The following FRMD3 variants were observed in gnomAD, a reference collection of about 807,000 sequenced individuals.
FRMD3 encodes the protein FERM domain containing 3.
Under a neutral mutation model 70.2 loss-of-function variants are expected in FRMD3, and 33 were observed. The ratio of observed to expected loss-of-function variants is 0.47; its 90% CI spans 0.36 to 0.63. FRMD3 has a LOEUF of 0.63. FRMD3 is among the 20% of genes least tolerant of loss of function. The pLI is 0.00. For synonymous variants in FRMD3, 279 were observed against 255.9 expected (o/e 1.09, Z -0.86); for missense variants, 632 against 711.4 (o/e 0.89, Z 1.27).
chr9:83,411,270 C>T (rs150623508), intron 1 of FRMD3, among the ~76,000 whole-genome samples: 28 of 152,350 alleles, frequency 1.8e-4, no homozygotes, highest in African/African-American at 6.5e-4. Flanking sequence ...CTTCTTGGTG[C>T]TAGCCTATTT....
At chr9:83,388,126 T>C in intron 2 of FRMD3, among the ~76,000 whole-genome samples, 1 of 152,198 alleles carries the variant, frequency 6.6e-6, no homozygotes, top group Non-Finnish European at 1.5e-5. Context: ...AATACTTCAT[T>C]GCATCCCTTC....
intron 12 of FRMD3, among the ~76,000 whole-genome samples, chr9:83,296,839 C>A (rs1237125608): frequency 6.6e-6 from 1 of 152,134 alleles, no homozygotes; most frequent in Non-Finnish European, 1.5e-5. Flanking sequence ...ACCCTTCCAC[C>A]ACCTGTTACC....
At chr9:83,521,644 G>A (rs1392576500) in intron 1 of FRMD3, among the ~76,000 whole-genome samples, 1 of 152,234 alleles carries the variant, frequency 6.6e-6, no homozygotes. Flanking sequence ...TGGAGGAGTT[G>A]TCTTAATTAT....
Position 83,309,565 on chromosome 9 carries a change from C to T in FRMD3, c.897G>A (p.Lys299=). 1 of 1,598,870 alleles carries T rather than the reference C, an allele frequency of 6.3e-7. No homozygotes were observed. Among genetic ancestry groups the T allele is most frequent in the Non-Finnish European group, 8.5e-7 (1 of 1,172,716 alleles). The change falls in exon 10 of 14, where the codon AAG becomes AAA. Residue 299 remains lysine, a synonymous_variant. Transcript: ENST00000304195. ...STPAACKHLW[K]CGVENQAFYK... ...AAAAGGCCTGGTTTTCCACTCCACA[C>T]TTCCAAAGATGTTTGCAGGCAGCTG...
chr9:83,244,688 T>TTGAC lies in FRMD3; in HGVS notation c.*3226_*3229dup, dbSNP rs1194990358. 1.0e-6 allele frequency: 1 copy of TTGAC among 985,044 alleles called. No homozygotes were observed. The highest frequency in any genetic ancestry group is 1.7e-5 in the African/African-American group (1 of 57,234). 61.0% of individuals were successfully genotyped at this position (985,044 alleles called of 1,614,324 possible). On this transcript the variant is annotated 3_prime_UTR_variant, in exon 14 of 14. Transcript: ENST00000304195. Reference sequence around the variant, plus strand: ...ATTAACATATAAAACAATCTGGATGTTGACATAGAAATGCAAATTTCACTA... The same window carrying TTGAC: ...ATTAACATATAAAACAATCTGGATGTTGACTGACATAGAAATGCAAATTTCACTA...
intron 1 of FRMD3, among the ~76,000 whole-genome samples, chr9:83,526,688 G>T (rs1186527999): frequency 2.0e-5 from 3 of 152,086 alleles, no homozygotes; most frequent in African/African-American, 4.8e-5. Context: ...AACTGACTGC[G>T]AGCTCCTTGA....
intron 1 of FRMD3, among the ~76,000 whole-genome samples, chr9:83,450,214 CACACACACACACACAG>C (rs1827604639): frequency 3.2e-5 from 1 of 31,216 alleles, no homozygotes; most frequent in Admixed American, 2.7e-4. Context: ...CGTGCGCGCA[CACACACACACACACAG>C]ACACACACAC....
At chr9:83,546,431 G>C in the FRMD3 span, among the ~76,000 whole-genome samples, 1 of 152,096 alleles carries the variant, frequency 6.6e-6, no homozygotes, top group Non-Finnish European at 1.5e-5. Flanking sequence ...ATAAATGAAG[G>C]AGAAATAAAC....
At chr9:83,341,271 T>C (rs1303107304) in intron 5 of FRMD3, among the ~76,000 whole-genome samples, 2 of 152,162 alleles carry the variant, frequency 1.3e-5, no homozygotes, top group Non-Finnish European at 2.9e-5. Context: ...CATTTCCCAC[T>C]CTACTTTCTC....
intron 1 of FRMD3, among the ~76,000 whole-genome samples, chr9:83,517,530 C>T (rs1048129078): frequency 6.8e-6 from 1 of 147,184 alleles, no homozygotes; most frequent in East Asian, 2.0e-4. Flanking sequence ...AACCTAGGAC[C>T]GATGGATTCA....
At chr9:83,428,913 C>T (rs1175545052) in intron 1 of FRMD3, among the ~76,000 whole-genome samples, 1 of 151,876 alleles carries the variant, frequency 6.6e-6, no homozygotes, top group Non-Finnish European at 1.5e-5. Flanking sequence ...TTCCTCCTAA[C>T]CTTGCCCTTG....
intron 1 of FRMD3, among the ~76,000 whole-genome samples, chr9:83,509,175 T>C (rs981769248): frequency 6.6e-6 from 1 of 152,196 alleles, no homozygotes; most frequent in Non-Finnish European, 1.5e-5. Flanking sequence ...CCTCAAGCAG[T>C]GCCTAACACA....
In FRMD3 at chr9:83,247,023, T is replaced by C. The variant is rs939336598; in HGVS notation, c.*895A>G. On this transcript the variant is annotated 3_prime_UTR_variant, in exon 14 of 14. Coordinates refer to ENST00000304195, the MANE Select transcript of FRMD3 (RefSeq NM_174938.6). ...CTGACTAGCACATCTGTTACCTTTT[T>C]TCCTTTAAACTCTCACTTTCTTTTT... 96 of 985,318 alleles carry C rather than the reference T, an allele frequency of 9.7e-5. No individual in the cohort carries two copies. Among genetic ancestry groups the C allele is most frequent in the Non-Finnish European group, 1.1e-4 (90 of 829,944 alleles). 61.0% of individuals were successfully genotyped at this position (985,318 alleles called of 1,614,324 possible).
the FRMD3 span, among the ~76,000 whole-genome samples, chr9:83,548,495 T>C: frequency 6.6e-6 from 1 of 152,182 alleles, no homozygotes; most frequent in African/African-American, 2.4e-5. Flanking sequence ...GAATGTATTA[T>C]TCCAACTGTA....
chr9:83,337,493 A>C (rs1276976205), intron 5 of FRMD3, among the ~76,000 whole-genome samples: 1 of 152,212 alleles, frequency 6.6e-6, no homozygotes, highest in African/African-American at 2.4e-5. Flanking sequence ...TCTGGCATCA[A>C]GAATACTTTC....
chr9:83,308,978 C>T (rs1481638612), intron 10 of FRMD3, among the ~76,000 whole-genome samples: 1 of 152,080 alleles, frequency 6.6e-6, no homozygotes, highest in African/African-American at 2.4e-5. Context: ...CACCTCTTTG[C>T]CCATCAGCAG....
At chr9:83,554,351 G>A in the FRMD3 span, among the ~76,000 whole-genome samples, 1 of 152,116 alleles carries the variant, frequency 6.6e-6, no homozygotes, top group African/African-American at 2.4e-5. Flanking sequence ...GCTCTGGTGT[G>A]ATCTCAGTGT....
intron 6 of FRMD3, among the ~76,000 whole-genome samples, chr9:83,327,235 C>T (rs1836055340): frequency 6.6e-6 from 1 of 152,142 alleles, no homozygotes. Flanking sequence ...ACAGAATTCT[C>T]AATTTGGCTT....
In FRMD3 at chr9:83,471,646, A is replaced by G. The variant is rs1486309465; in HGVS notation, c.147+66439T>C. Among the ~76,000 whole-genome samples, 10 of 152,324 alleles carry G rather than the reference A, an allele frequency of 6.6e-5. No homozygotes were observed. In the South Asian group the frequency reaches 1.7e-3, roughly 25 times the overall value. ...CTCCCTGGAAAAGGGCTAAAAACCA[A>G]TCATTGCAAATTCACCTTGTTCAAA... is the stretch of plus-strand genomic sequence containing the variant. On this transcript the variant is annotated intron_variant, in intron 1 of 13. Transcript: ENST00000304195.
Sources: allele counts gnomAD v4.1 joint callset (sites outside exome capture counted in the v4.1 genomes callset), GRCh38; gene constraint gnomAD v4.1.1; transcripts MANE v1.5; gene names NCBI Gene and HGNC (gene_info 2026-07-23, HGNC 2026-07-21).